PPRC1: variants seen among roughly 807,000 people sequenced by gnomAD.
PPRC1 encodes peroxisome proliferator-activated receptor gamma coactivator-related protein 1.
PPRC1 carries 23 observed loss-of-function variants against 132.5 expected under a neutral mutation model. The ratio of observed to expected loss-of-function variants is 0.17; its 90% CI spans 0.12 to 0.25. The LOEUF is 0.25. Ranked by LOEUF, PPRC1 falls within the 10% of genes least tolerant of loss-of-function variation. The pLI is 1.00. For missense variants in PPRC1, 2,006 were observed against 2,089.1 expected, an observed-to-expected ratio of 0.96 and a Z score of 0.78; for synonymous variants, 872 against 833.5, an observed-to-expected ratio of 1.05 and a Z score of -0.80.
Position 102,139,929 on chromosome 10 carries a change from G to T in PPRC1, c.1421G>T (p.Gly474Val), listed in dbSNP as rs755097413. ...SKEQPAACVE[G>V]YARRLRSSSR... ...GAGCAGCCAGCAGCCTGTGTGGAAGGCTATGCCAGGAGGCTGAGGTCATCT... is the reference window on the plus strand; with the variant it reads ...GAGCAGCCAGCAGCCTGTGTGGAAGTCTATGCCAGGAGGCTGAGGTCATCT... Residue 474 changes from glycine to valine, a missense_variant, in exon 5 of 14, where the codon GGC becomes GTC. Physicochemically the swap from Gly to Val is moderately radical, Grantham distance 109. Coordinates refer to ENST00000278070, the MANE Select transcript of PPRC1 (RefSeq NM_015062.5). 8.7e-6 allele frequency: 14 copies of T among 1,614,154 alleles called. No individual in the cohort carries two copies. In the Admixed American group the frequency reaches 1.0e-4, roughly 12 times the overall value.
rs150681300 is a variant in PPRC1 at position 102,145,892 on chromosome 10, A to C, written c.3680-780A>C. ...AAAAAAACAAACAACAAAAAAAAAC[A>C]ACCATGGATTACAGTGAGATGTGAA... On this transcript the variant is annotated intron_variant, in intron 8 of 13. Transcript: ENST00000278070. Among the ~76,000 whole-genome samples the C allele has an allele frequency of 2.9e-4, 44 of 152,080 alleles. No individual in the cohort carries two copies. The East Asian group carries it at 8.0e-3, about 28-fold the overall frequency.
the PPRC1 span, chr10:102,119,989 T>C: frequency 3.1e-6 from 3 of 963,148 alleles, no homozygotes; most frequent in African/African-American, 3.4e-5. Context: ...CCCCATGCCA[T>C]CGACGCCCCC....
chr10:102,142,995 A>G (rs372702787), intron 5 of PPRC1, 50 bp from the exon 6 acceptor site: 5 of 1,528,682 alleles, frequency 3.3e-6, no homozygotes, highest in Non-Finnish European at 4.5e-6. Context: ...GGACCTGTGT[A>G]CTAAGTTGAT....
the PPRC1 span, among the ~76,000 whole-genome samples, chr10:102,122,920 A>G: frequency 6.6e-6 from 1 of 152,230 alleles, no homozygotes; most frequent in Non-Finnish European, 1.5e-5. Context: ...TATTACCTCC[A>G]TTGAACAAGT....
At chr10:102,147,617 CTTCT>C (rs1317598376) in intron 9 of PPRC1, among the ~76,000 whole-genome samples, 3 of 152,188 alleles carry the variant, frequency 2.0e-5, no homozygotes, top group Non-Finnish European at 4.4e-5. Context: ...AGGTCTCCTG[CTTCT>C]TTGAGACCTG....
At position 102,138,865 on chromosome 10, in the gene PPRC1, T is replaced by A; in HGVS notation, c.490-14T>A. ...GAAGCATAGACTGATCTCAGGTCTT[T>A]CTTTCCCTCTTAGCTGCACAAGCTG... On this transcript the variant is annotated splice_polypyrimidine_tract_variant and intron_variant, in intron 3 of 13. Coordinates refer to ENST00000278070, the MANE Select transcript of PPRC1 (RefSeq NM_015062.5). 6.2e-7 allele frequency: 1 copy of A among 1,613,500 alleles called. No homozygotes were observed.
chr10:102,127,073 TA>T, the PPRC1 span, among the ~76,000 whole-genome samples: 13 of 75,780 alleles, frequency 1.7e-4, no homozygotes, highest in East Asian at 4.9e-3. Flanking sequence ...ATATATAAAT[TA>T]AAAAAAAATT....
chr10:102,136,573 C>T (rs1456455479), intron 1 of PPRC1, among the ~76,000 whole-genome samples: 6 of 152,030 alleles, frequency 3.9e-5, no homozygotes, highest in African/African-American at 4.8e-5. Context: ...AGCCCACATT[C>T]GCATAACTTT....
chr10:102,145,186 T>TA (rs1055619629), intron 8 of PPRC1, 96 bp downstream of exon 8: 1 of 1,184,926 alleles, frequency 8.4e-7, no homozygotes, highest in African/African-American at 1.5e-5. Context: ...GTTAAGGACA[T>TA]AGAGATCTGA....
At chr10:102,146,367 AG>A (rs1287231335) in intron 8 of PPRC1, among the ~76,000 whole-genome samples, 1 of 152,182 alleles carries the variant, frequency 6.6e-6, no homozygotes, top group Non-Finnish European at 1.5e-5. Context: ...GAAGTCAGGC[AG>A]TACTCGGGGG....
In PPRC1 at chr10:102,149,340, G is replaced by A. The variant is rs2069411840; in HGVS notation, c.4891+11G>A. 8 of 1,569,332 alleles carry A rather than the reference G, an allele frequency of 5.1e-6. No individual in the cohort carries two copies. Among genetic ancestry groups the A allele is most frequent in the Non-Finnish European group, 6.9e-6 (8 of 1,155,306 alleles). ...GCTATTCTGATCTTGGTGAGTGGAGGGAGGGCCTAAAGCTTTGGAATGCTT... is the reference window on the plus strand; with the variant it reads ...GCTATTCTGATCTTGGTGAGTGGAGAGAGGGCCTAAAGCTTTGGAATGCTT... On this transcript the variant is annotated intron_variant, in intron 13 of 13. Coordinates refer to ENST00000278070, the MANE Select transcript of PPRC1 (RefSeq NM_015062.5).
the PPRC1 span, among the ~76,000 whole-genome samples, chr10:102,127,469 C>T: frequency 2.9e-3 from 434 of 152,274 alleles, 1 homozygote; most frequent in African/African-American, 7.5e-3. Flanking sequence ...TACAGTTGCA[C>T]GATCTCGGCT....
At chr10:102,125,864 CT>C in the PPRC1 span, among the ~76,000 whole-genome samples, 836 of 137,924 alleles carry the variant, frequency 6.1e-3, 4 homozygotes, top group African/African-American at 0.015. Flanking sequence ...TCTTTCTTTT[CT>C]TTTTTTTTTT....
chr10:102,144,218 T>C (rs1024032743), intron 6 of PPRC1, 32 bp from the exon 7 acceptor site: 11 of 1,610,198 alleles, frequency 6.8e-6, no homozygotes, highest in Non-Finnish European at 9.3e-6. Flanking sequence ...GAACATCTGG[T>C]TGGGCTTTTA....
chr10:102,143,178 T>C, intron 6 of PPRC1, 80 bp downstream of exon 6: 1 of 1,380,506 alleles, frequency 7.2e-7, no homozygotes, highest in Non-Finnish European at 1.0e-6. Context: ...TTGCTTAAAC[T>C]AGGGTGAGAG....
chr10:102,138,836 C>G, intron 3 of PPRC1, 43 bp from the exon 4 acceptor site: 1 of 1,611,564 alleles, frequency 6.2e-7, no homozygotes, highest in Non-Finnish European at 8.5e-7. Context: ...ACTCATATAG[C>G]TCTGAAGCAT....
At chr10:102,134,248 C>T (rs746536765) in intron 1 of PPRC1, among the ~76,000 whole-genome samples, 9 of 152,112 alleles carry the variant, frequency 5.9e-5, no homozygotes, top group Non-Finnish European at 1.0e-4. Context: ...TAATCTGACA[C>T]GCAGAAACTG....
Position 102,138,604 on chromosome 10 carries a change from G to GT in PPRC1, c.343-10dup, listed in dbSNP as rs2068811548. 1 of 1,613,156 alleles carries GT rather than the reference G, an allele frequency of 6.2e-7. No individual in the cohort carries two copies. Among genetic ancestry groups the GT allele is most frequent in the Admixed American group, 1.7e-5 (1 of 59,888 alleles). ...GGGATGTTGGTAGGACCTTCTGGTT[G>GT]TTTTTCTGGAGCAGAGCAGGTTATC... On this transcript the variant is annotated splice_polypyrimidine_tract_variant and intron_variant, in intron 2 of 13. Transcript: ENST00000278070.
intron 7 of PPRC1, 81 bp downstream of exon 7, chr10:102,144,388 C>A: frequency 7.3e-7 from 1 of 1,368,818 alleles, no homozygotes; most frequent in Non-Finnish European, 1.0e-6. Flanking sequence ...CAACTGGATG[C>A]CTCTGTTGCA....
Sources: gnomAD v4.1 joint callset for allele counts (sites outside exome capture counted in the v4.1 genomes callset) on GRCh38, gnomAD v4.1.1 for gene constraint, MANE v1.5 for transcripts, NCBI Gene and HGNC (gene_info 2026-07-23, HGNC 2026-07-21) for gene names.